DNAJC10: variants seen among roughly 807,000 people sequenced by gnomAD.
DNAJC10 encodes the protein endoplasmic reticulum disulfide reductase DNAJC10.
A neutral mutation model predicts 115.0 loss-of-function variants in DNAJC10; 101 were observed. That is an observed-to-expected ratio of 0.88 (90% CI 0.75 to 1.04). The LOEUF is 1.04. DNAJC10 is among the 50% of genes least tolerant of loss of function. The probability of loss-of-function intolerance (pLI) is 0.00; values close to 1 mark genes in which losing one functional copy is unlikely to be tolerated. For missense variants in DNAJC10, 981 were observed against 928.8 expected (o/e 1.06, Z -0.73); for synonymous variants, 307 against 301.5 (o/e 1.02, Z -0.19).
chr2:182,777,338 C>T lies in DNAJC10; in HGVS notation c.*206C>T, dbSNP rs999366041. 8.7e-5 allele frequency: 31 copies of T among 356,400 alleles called. No homozygotes were observed. The highest frequency in any genetic ancestry group is 8.9e-5 in the Non-Finnish European group (17 of 190,434). 22.1% of individuals were successfully genotyped at this position (356,400 alleles called of 1,614,324 possible). ...AGGGCCGGTTTATAAATATTTTAGA[C>T]TTTGCAGGCTATAATATATGGTTCA... On this transcript the variant is annotated 3_prime_UTR_variant, in exon 24 of 24. Transcript: ENST00000264065.
chr2:182,726,267 CATT>C (rs769735488), intron 5 of DNAJC10, among the ~76,000 whole-genome samples: 2 of 152,104 alleles, frequency 1.3e-5, no homozygotes, highest in East Asian at 1.9e-4. Flanking sequence ...GCTGCAATCT[CATT>C]ATAATGATCT....
Position 182,751,767 on chromosome 2 carries a change from T to A in DNAJC10, c.1416T>A (p.Leu472=). 1 of 1,613,516 alleles carries A rather than the reference T, an allele frequency of 6.2e-7. No individual in the cohort carries two copies. The highest frequency in any genetic ancestry group is 8.5e-7 in the Non-Finnish European group (1 of 1,179,880). Residue 472 remains leucine, a synonymous_variant, in exon 15 of 24, where the codon CTT becomes CTA. Coordinates refer to ENST00000264065, the MANE Select transcript of DNAJC10 (RefSeq NM_018981.4). ...NFPANDKEPW[L]VDFFAPWCPP... ...CTGCCAATGACAAAGAACCATGGCT[T>A]GTTGATTTCTTTGCCCCCGTAAGTT...
At chr2:182,726,757 G>T (rs1693295063) in intron 5 of DNAJC10, among the ~76,000 whole-genome samples, 1 of 152,108 alleles carries the variant, frequency 6.6e-6, no homozygotes, top group Non-Finnish European at 1.5e-5. Context: ...TTTGTTCCTT[G>T]GTTGGTTTGT....
In DNAJC10 at chr2:182,757,652, T is replaced by C. The variant is rs185824688; in HGVS notation, c.1810-40T>C. On this transcript the variant is annotated intron_variant, in intron 18 of 23. Coordinates refer to ENST00000264065, the MANE Select transcript of DNAJC10 (RefSeq NM_018981.4). ...TGCTTATTTCTTTATTGCAAACATATGTAAAAAGTTATGGAGGTAATCTGT... is the reference window on the plus strand; with the variant it reads ...TGCTTATTTCTTTATTGCAAACATACGTAAAAAGTTATGGAGGTAATCTGT... The C allele has an allele frequency of 1.1e-3, 1,506 of 1,413,858 alleles. 2 individuals carry two copies. The highest frequency in any genetic ancestry group is 1.3e-3 in the Non-Finnish European group (1,374 of 1,066,972). 87.6% of individuals were successfully genotyped at this position (1,413,858 alleles called of 1,614,324 possible).
At chr2:182,732,714 C>A (rs1013331186) in intron 10 of DNAJC10, 172 bp downstream of exon 10, 3 of 589,804 alleles carry the variant, frequency 5.1e-6, no homozygotes, top group Middle Eastern at 3.9e-4. Flanking sequence ...TAATTAGTTA[C>A]GTTCAATAAA....
chr2:182,775,178 G>T, intron 22 of DNAJC10, 138 bp from the exon 23 acceptor site: 1 of 572,980 alleles, frequency 1.7e-6, no homozygotes. Flanking sequence ...TTATTTCCTT[G>T]AAGAGAATAA....
Position 182,777,376 on chromosome 2 carries a change from A to G in DNAJC10, c.*244A>G, listed in dbSNP as rs1316446109. The G allele has an allele frequency of 9.2e-4, 280 of 305,012 alleles. 3 individuals are homozygous for G. Among genetic ancestry groups the G allele is most frequent in the Non-Finnish European group, 1.8e-5 (3 of 162,478 alleles). The allele number at this position is 305,012 out of a possible 1,614,324, so 18.9% of individuals were successfully genotyped here. On this transcript the variant is annotated 3_prime_UTR_variant, in exon 24 of 24. Coordinates refer to ENST00000264065, the MANE Select transcript of DNAJC10 (RefSeq NM_018981.4). The stretch of plus-strand genomic sequence containing the variant: ...AATATATGGTTCACACATGAGAACA[A>G]GAATAGAGTCATCATGTATTCTTTG...
Position 182,762,821 on chromosome 2 carries a change from T to C in DNAJC10, c.2265+20T>C. The C allele has an allele frequency of 6.2e-7, 1 of 1,607,864 alleles. No individual in the cohort carries two copies. The highest frequency in any genetic ancestry group is 8.5e-7 in the Non-Finnish European group (1 of 1,176,252). On this transcript the variant is annotated intron_variant, in intron 22 of 23. Coordinates refer to ENST00000264065, the MANE Select transcript of DNAJC10 (RefSeq NM_018981.4). The stretch of plus-strand genomic sequence containing the variant: ...GCAAAGGTATGTCCAGACTTTCCTC[T>C]GTTCCTTCCCTTAGTAGGCCAAGCT...
chr2:182,762,869 G>T, intron 22 of DNAJC10, 68 bp downstream of exon 22: 5 of 1,494,168 alleles, frequency 3.3e-6, no homozygotes, highest in South Asian at 2.6e-5. Flanking sequence ...TTCAGTCTGA[G>T]TAATGTTTTT....
chr2:182,747,340 A>G (rs572029564), intron 14 of DNAJC10, among the ~76,000 whole-genome samples: 1 of 152,290 alleles, frequency 6.6e-6, no homozygotes, highest in African/African-American at 2.4e-5. Context: ...CATTGTCACA[A>G]TATTGAGTCT....
At chr2:182,728,453 G>T in intron 5 of DNAJC10, 123 bp from the exon 6 acceptor site, 1 of 598,068 alleles carries the variant, frequency 1.7e-6, no homozygotes, top group Non-Finnish European at 2.8e-6. Context: ...CAGAAAATGA[G>T]AAAGACAATA....
chr2:182,728,684 C>T, intron 6 of DNAJC10, 26 bp downstream of exon 6: 1 of 1,584,728 alleles, frequency 6.3e-7, no homozygotes, highest in Non-Finnish European at 8.6e-7. Flanking sequence ...ATCCTCATTA[C>T]TAGTTTTATT....
At position 182,718,200 on chromosome 2, in the gene DNAJC10, T is replaced by A; in HGVS notation, c.114T>A (p.Ser38Arg). The change falls in exon 3 of 24, where the codon AGT (serine) becomes AGA (arginine). Residue 38 changes from serine (S) to arginine (R), a missense_variant. Transcript: ENST00000264065. The part of the protein sequence containing the change: ...ILVGTDQDFY[S>R]LLGVSKTASS... The stretch of plus-strand genomic sequence containing the variant: ...TGGGCACAGATCAGGATTTTTACAG[T>A]TTACTTGGAGTGTCCAAAACTGCAA... 1.9e-6 allele frequency: 3 copies of A among 1,613,568 alleles called. No homozygotes were observed. Among genetic ancestry groups the A allele is most frequent in the Non-Finnish European group, 1.7e-6 (2 of 1,179,808 alleles).
At chr2:182,725,559 A>G (rs1029402079) in intron 5 of DNAJC10, among the ~76,000 whole-genome samples, 4 of 152,218 alleles carry the variant, frequency 2.6e-5, no homozygotes, top group Admixed American at 1.3e-4. Flanking sequence ...GGGTAGATCA[A>G]ATTATCTACA....
Position 182,784,739 on chromosome 2 carries a change from T to C in DNAJC10, c.*7607T>C, listed in dbSNP as rs1185795866. The C allele has an allele frequency of 6.6e-6, 1 of 152,210 alleles. No individual in the cohort carries two copies. Among genetic ancestry groups the C allele is most frequent in the Non-Finnish European group, 1.5e-5 (1 of 68,036 alleles). 9.4% of individuals were successfully genotyped at this position (152,210 alleles called of 1,614,324 possible). ...GTAACTTTTATTGTAAAATTTAAGGTAGCTCTACCTGCTAAAGTAGCACCT... is the reference window on the plus strand; with the variant it reads ...GTAACTTTTATTGTAAAATTTAAGGCAGCTCTACCTGCTAAAGTAGCACCT... On this transcript the variant is annotated 3_prime_UTR_variant, in exon 24 of 24. Coordinates refer to ENST00000264065, the MANE Select transcript of DNAJC10 (RefSeq NM_018981.4).
rs556039409 is a variant in DNAJC10 at position 182,778,981 on chromosome 2, C to T, written c.*1849C>T. On this transcript the variant is annotated 3_prime_UTR_variant, in exon 24 of 24. Coordinates refer to ENST00000264065, the MANE Select transcript of DNAJC10 (RefSeq NM_018981.4). ...GACATGGTCCCCATCTTCCAACTGT[C>T]TGTAATTCACTGTTTTGTCATTGAG... 6.6e-6 allele frequency: 1 copy of T among 152,300 alleles called. No homozygotes were observed. Among genetic ancestry groups the T allele is most frequent in the Non-Finnish European group, 1.5e-5 (1 of 68,040 alleles). The allele number at this position is 152,300 out of a possible 1,614,324, so 9.4% of individuals were successfully genotyped here. A position where few individuals can be genotyped will look rare whatever the true frequency, so the allele number is the denominator to read the frequency against.
At chr2:182,743,350 G>A (rs1325877288) in intron 13 of DNAJC10, among the ~76,000 whole-genome samples, 1 of 151,860 alleles carries the variant, frequency 6.6e-6, no homozygotes, top group Non-Finnish European at 1.5e-5. Flanking sequence ...TAGGTTTCTG[G>A]AATAACTTCA....
At chr2:182,754,408 G>A (rs1446711868) in intron 16 of DNAJC10, among the ~76,000 whole-genome samples, 5 of 152,278 alleles carry the variant, frequency 3.3e-5, no homozygotes, top group Non-Finnish European at 7.4e-5. Flanking sequence ...AAAAGCTTTA[G>A]AGAGAGGCTT....
rs201714828 is a variant in DNAJC10 at position 182,755,151 on chromosome 2, T to C, written c.1653+47T>C. On this transcript the variant is annotated intron_variant, in intron 17 of 23. Coordinates refer to ENST00000264065, the MANE Select transcript of DNAJC10 (RefSeq NM_018981.4). ...GTGACTAGAAATTTGTCTGTTTCTA[T>C]GTAAACCCTGTATGAATGTTTCATA... The C allele has an allele frequency of 1.1e-4, 122 of 1,103,484 alleles. 1 individual carries two copies. In the African/African-American group the frequency reaches 1.4e-3, roughly 13 times the overall value. The allele number at this position is 1,103,484 out of a possible 1,614,324, so 68.4% of individuals were successfully genotyped here. A position where few individuals can be genotyped will look rare whatever the true frequency, so the allele number is the denominator to read the frequency against.
Sources: gnomAD v4.1 joint callset for allele counts (sites outside exome capture counted in the v4.1 genomes callset) on GRCh38, gnomAD v4.1.1 for gene constraint, MANE v1.5 for transcripts, NCBI Gene and HGNC (gene_info 2026-07-23, HGNC 2026-07-21) for gene names.